PIEZO1: variants seen among roughly 807,000 people sequenced by gnomAD.
PIEZO1 encodes piezo type mechanosensitive ion channel component 1 (Er blood group), also known as piezo-type mechanosensitive ion channel component 1.
A neutral mutation model predicts 297.2 loss-of-function variants in PIEZO1; 296 were observed. The ratio of observed to expected loss-of-function variants is 1.00; its 90% CI spans 0.91 to 1.10. The LOEUF is 1.10. PIEZO1 is among the 50% of genes least tolerant of loss of function. PIEZO1 has a pLI of 0.00. For missense variants in PIEZO1, 5,018 were observed against 3,455.5 expected (o/e 1.45, Z -11.34); for synonymous variants, 2,427 against 1,507.5 (o/e 1.61, Z -14.13).
chr16:88,732,462 T>C lies in PIEZO1; in HGVS notation c.2864A>G (p.Gln955Arg). 3 of 1,549,470 alleles carry C rather than the reference T, an allele frequency of 1.9e-6. No homozygotes were observed. Among genetic ancestry groups the C allele is most frequent in the Non-Finnish European group, 2.6e-6 (3 of 1,146,378 alleles). Residue 955 changes from glutamine (Q) to arginine (R), a missense_variant, in exon 21 of 51, where the codon CAG becomes CGG. Coordinates refer to ENST00000301015, the MANE Select transcript of PIEZO1 (RefSeq NM_001142864.4). ...VYRRQEHYRR[Q>R]HQLAPLPAQA... ...GGCAGGCAGCGGGGCCAGCTGGTGC[T>C]GCCGGCGGTAGTGCTCCTGGCGCCG...
chr16:88,717,321 G>T (rs906829985), intron 44 of PIEZO1, 110 bp from the exon 45 acceptor site: 5 of 904,906 alleles, frequency 5.5e-6, no homozygotes, highest in Admixed American at 2.0e-5. Context: ...CCTGACCTCA[G>T]TATGGCACAG....
rs1225915395 is a variant in PIEZO1 at position 88,737,549 on chromosome 16, C to A, written c.1195+10G>T. 3.3e-6 allele frequency: 5 copies of A among 1,518,484 alleles called. No individual in the cohort carries two copies. The highest frequency in any genetic ancestry group is 4.4e-6 in the Non-Finnish European group (5 of 1,132,940). The allele number at this position is 1,518,484 out of a possible 1,614,324, so 94.1% of individuals were successfully genotyped here. ...GCACCCAGCCATACCTTGCAGTGTGCGGTACTCACCAGGCCGCCGCAGGAC... is the reference window on the plus strand; with the variant it reads ...GCACCCAGCCATACCTTGCAGTGTGAGGTACTCACCAGGCCGCCGCAGGAC... On this transcript the variant is annotated intron_variant, in intron 10 of 50. Coordinates refer to ENST00000301015, the MANE Select transcript of PIEZO1 (RefSeq NM_001142864.4).
At chr16:88,760,896 G>C (rs1232881064) in intron 1 of PIEZO1, among the ~76,000 whole-genome samples, 1 of 152,240 alleles carries the variant, frequency 6.6e-6, no homozygotes, top group Non-Finnish European at 1.5e-5. Flanking sequence ...TCAGTGTCCA[G>C]GAAACTCAGT....
At chr16:88,747,796 T>A (rs1241457707) in intron 2 of PIEZO1, among the ~76,000 whole-genome samples, 1 of 152,050 alleles carries the variant, frequency 6.6e-6, no homozygotes, top group Non-Finnish European at 1.5e-5. Context: ...GGGAGGCAGA[T>A]GGGACGAAGC....
At chr16:88,766,290 A>G (rs929439323) in intron 1 of PIEZO1, among the ~76,000 whole-genome samples, 2 of 152,172 alleles carry the variant, frequency 1.3e-5, no homozygotes, top group African/African-American at 4.8e-5. Flanking sequence ...AATTCCCAGG[A>G]CCGCCACAGA....
intron 31 of PIEZO1, 103 bp downstream of exon 31, chr16:88,723,768 C>T (rs933125810): frequency 4.5e-5 from 30 of 663,968 alleles, no homozygotes; most frequent in African/African-American, 2.9e-4. Context: ...TGGAGGAGCT[C>T]GGCTCCCAGG....
intron 1 of PIEZO1, among the ~76,000 whole-genome samples, chr16:88,761,022 A>G (rs1426883002): frequency 6.6e-6 from 1 of 152,086 alleles, no homozygotes; most frequent in Non-Finnish European, 1.5e-5. Flanking sequence ...TGGCGTGGAG[A>G]GTCAGGACAC....
At position 88,734,492 on chromosome 16, in the gene PIEZO1, A is replaced by T; in HGVS notation, c.2044T>A (p.Ser682Thr). 1.3e-6 allele frequency: 2 copies of T among 1,549,188 alleles called. No individual in the cohort carries two copies. The highest frequency in any genetic ancestry group is 1.7e-6 in the Non-Finnish European group (2 of 1,146,366). ...AAGAAGCCGGGCACCAGGATGCTGG[A>T]GAAGAGCTCGGACACGCTGAACTGC... ...LEQFSVSELFSSILVPGFFLL... is the reference protein window; with the variant it reads ...LEQFSVSELFTSILVPGFFLL... Residue 682 changes from serine (S) to threonine (T), a missense_variant, in exon 16 of 51, where the codon TCC becomes ACC. Coordinates refer to ENST00000301015, the MANE Select transcript of PIEZO1 (RefSeq NM_001142864.4).
chr16:88,748,989 G>A (rs557550781), intron 2 of PIEZO1, among the ~76,000 whole-genome samples: 4 of 139,828 alleles, frequency 2.9e-5, no homozygotes, highest in East Asian at 4.5e-4. Context: ...TGTAATCCCA[G>A]CACTTTGGGA....
chr16:88,723,432 G>A (rs1904299267), intron 31 of PIEZO1, 104 bp from the exon 32 acceptor site: 1 of 1,321,168 alleles, frequency 7.6e-7, no homozygotes, highest in Non-Finnish European at 1.0e-6. Context: ...TCCCTGCTCT[G>A]TGTCTCCCAG....
At chr16:88,761,458 C>T (rs562464945) in intron 1 of PIEZO1, among the ~76,000 whole-genome samples, 70 of 152,322 alleles carry the variant, frequency 4.6e-4, no homozygotes, top group African/African-American at 1.7e-3. Flanking sequence ...GCGGCACGGC[C>T]CGAGGCAGAA....
intron 2 of PIEZO1, among the ~76,000 whole-genome samples, chr16:88,748,976 G>A (rs377473342): frequency 1.8e-4 from 25 of 139,474 alleles, no homozygotes; most frequent in South Asian, 4.6e-4. Flanking sequence ...GGTGGCTCAC[G>A]TCTGTAATCC....
At chr16:88,757,848 A>C (rs547482394) in intron 1 of PIEZO1, among the ~76,000 whole-genome samples, 4 of 151,926 alleles carry the variant, frequency 2.6e-5, no homozygotes, top group African/African-American at 9.7e-5. Flanking sequence ...TCACAGGCAG[A>C]CTCCCCCAGC....
intron 39 of PIEZO1, 137 bp from the exon 40 acceptor site, chr16:88,720,885 C>T: frequency 1.8e-6 from 2 of 1,091,166 alleles, no homozygotes; most frequent in Non-Finnish European, 2.5e-6. Context: ...CCCAGTGTCA[C>T]TGGCAAGGAG....
At position 88,741,503 on chromosome 16, in the gene PIEZO1, C is replaced by CGG. The variant is rs1567678386; in HGVS notation, c.438_439dup (p.Arg147ProfsTer60). Reference sequence around the variant, plus strand: ...CAGCTCCCGTGGATGTGGGCTCTGCCGGGTGTTCCTTGCAAGGCGCCCGCA... The same window carrying CGG: ...CAGCTCCCGTGGATGTGGGCTCTGCCGGGGGTGTTCCTTGCAAGGCGCCCGCA... On this transcript the variant is annotated frameshift_variant, in exon 5 of 51. Coordinates refer to ENST00000301015, the MANE Select transcript of PIEZO1 (RefSeq NM_001142864.4). LOFTEE classifies it high-confidence loss of function. 6.5e-7 allele frequency: 1 copy of CGG among 1,535,568 alleles called. No homozygotes were observed. Among genetic ancestry groups the CGG allele is most frequent in the Admixed American group, 2.0e-5 (1 of 50,972 alleles).
intron 1 of PIEZO1, among the ~76,000 whole-genome samples, chr16:88,760,115 G>A (rs777926855): frequency 1.6e-4 from 19 of 119,372 alleles, no homozygotes; most frequent in South Asian, 2.5e-4. Context: ...TGCCTCCAGC[G>A]CCCACCACCC....
At chr16:88,755,993 G>A (rs8062249) in intron 1 of PIEZO1, among the ~76,000 whole-genome samples, 10,028 of 152,324 alleles carry the variant, frequency 0.066, 1,103 homozygotes, top group African/African-American at 0.23. Context: ...CAGGACAGCA[G>A]AAGAAGGAAG....
At chr16:88,743,290 C>G in intron 2 of PIEZO1, 1 of 456,460 alleles carries the variant, frequency 2.2e-6, no homozygotes, top group Non-Finnish European at 4.4e-6. Context: ...AGCAGGGGTC[C>G]GGACCAAAGT....
At chr16:88,749,269 C>G in intron 2 of PIEZO1, 115 bp downstream of exon 2, 1 of 624,380 alleles carries the variant, frequency 1.6e-6, no homozygotes, top group African/African-American at 1.9e-5. Flanking sequence ...ATTTCGGGAC[C>G]CCTCATCTTC....
Sources: allele counts gnomAD v4.1 joint callset (sites outside exome capture counted in the v4.1 genomes callset), GRCh38; gene constraint gnomAD v4.1.1; transcripts MANE v1.5; gene names NCBI Gene and HGNC (gene_info 2026-07-23, HGNC 2026-07-21).